The following CACNA2D1 variants were observed in gnomAD, a reference collection of about 807,000 sequenced individuals.
CACNA2D1 encodes the protein voltage-dependent calcium channel subunit alpha-2/delta-1.
CACNA2D1 carries 53 observed loss-of-function variants against 171.5 expected under a neutral mutation model. The ratio of observed to expected loss-of-function variants is 0.31; its 90% CI spans 0.25 to 0.39. The LOEUF (loss-of-function observed/expected upper bound fraction) is 0.39, where lower values mean the gene tolerates loss of function less well. Ranked by LOEUF, CACNA2D1 falls within the 10% of genes least tolerant of loss-of-function variation. The pLI is 1.00. For missense variants in CACNA2D1, 903 were observed against 1,299.8 expected, an observed-to-expected ratio of 0.69 and a Z score of 4.69; for synonymous variants, 442 against 443.1, an observed-to-expected ratio of 1.00 and a Z score of 0.03.
chr7:81,991,034 C>A, intron 21 of CACNA2D1, 151 bp downstream of exon 21: 1 of 518,512 alleles, frequency 1.9e-6, no homozygotes, highest in Non-Finnish European at 3.5e-6. Flanking sequence ...GTTTTTCCAT[C>A]TTTTCCATTT....
At chr7:82,010,590 T>A (rs1024841933) in intron 15 of CACNA2D1, among the ~76,000 whole-genome samples, 1 of 152,140 alleles carries the variant, frequency 6.6e-6, no homozygotes, top group African/African-American at 2.4e-5. Context: ...AAGTGCAACA[T>A]TTTGACCACA....
At chr7:82,048,923 A>C (rs1584537072) in intron 10 of CACNA2D1, among the ~76,000 whole-genome samples, 2 of 152,074 alleles carry the variant, frequency 1.3e-5, no homozygotes, top group East Asian at 3.9e-4. Context: ...ACAATAGTTC[A>C]GTTTAGAATA....
At chr7:82,048,454 T>C (rs1804804447) in intron 10 of CACNA2D1, among the ~76,000 whole-genome samples, 1 of 152,162 alleles carries the variant, frequency 6.6e-6, no homozygotes, top group Admixed American at 6.5e-5. Context: ...ATTGTCACTT[T>C]ATGAAAAATC....
intron 6 of CACNA2D1, among the ~76,000 whole-genome samples, chr7:82,113,596 AG>A (rs1224943553): frequency 6.6e-6 from 1 of 152,168 alleles, no homozygotes; most frequent in Non-Finnish European, 1.5e-5. Context: ...TTAGAACACG[AG>A]GTTTCTTATG....
At chr7:82,260,575 T>G (rs1351452183) in intron 3 of CACNA2D1, among the ~76,000 whole-genome samples, 7 of 152,226 alleles carry the variant, frequency 4.6e-5, no homozygotes, top group Admixed American at 4.6e-4. Context: ...AATGACTATA[T>G]GGTAAAATTT....
At chr7:82,197,222 T>C (rs1011016154) in intron 3 of CACNA2D1, among the ~76,000 whole-genome samples, 2 of 152,096 alleles carry the variant, frequency 1.3e-5, no homozygotes, top group Middle Eastern at 3.4e-3. Context: ...GAATATATTA[T>C]ATAAGAGTAT....
At chr7:82,366,841 C>T (rs1821776237) in intron 1 of CACNA2D1, among the ~76,000 whole-genome samples, 1 of 150,896 alleles carries the variant, frequency 6.6e-6, no homozygotes, top group South Asian at 2.1e-4. Flanking sequence ...TTACCATTCC[C>T]ACCAATAATG....
intron 17 of CACNA2D1, 115 bp from the exon 18 acceptor site, chr7:82,005,612 CA>C (rs1799042962): frequency 1.2e-6 from 1 of 865,536 alleles, no homozygotes; most frequent in Non-Finnish European, 1.9e-6. Context: ...TGAAAGATAA[CA>C]TGGAATCATT....
chr7:82,054,532 CT>C (rs1304436286), intron 10 of CACNA2D1, among the ~76,000 whole-genome samples: 8 of 152,174 alleles, frequency 5.3e-5, no homozygotes, highest in African/African-American at 1.7e-4. Context: ...TTTATTAATT[CT>C]CTGCCTTGTT....
At chr7:82,017,779 A>G (rs1001895407) in intron 12 of CACNA2D1, among the ~76,000 whole-genome samples, 2 of 152,184 alleles carry the variant, frequency 1.3e-5, no homozygotes, top group African/African-American at 4.8e-5. Flanking sequence ...ATGATCTTAC[A>G]TAAAAACAAA....
intron 1 of CACNA2D1, among the ~76,000 whole-genome samples, chr7:82,434,552 G>A (rs556752840): frequency 6.6e-6 from 1 of 152,238 alleles, no homozygotes; most frequent in African/African-American, 2.4e-5. Flanking sequence ...AGGTCCCAGT[G>A]TGTGTTGATC....
chr7:82,247,808 A>C (rs1470776794), intron 3 of CACNA2D1, among the ~76,000 whole-genome samples: 1 of 152,234 alleles, frequency 6.6e-6, no homozygotes, highest in African/African-American at 2.4e-5. Flanking sequence ...AAATTTGGAA[A>C]GAAAAAAATA....
chr7:82,367,902 T>A (rs921458903), intron 1 of CACNA2D1, among the ~76,000 whole-genome samples: 4 of 151,970 alleles, frequency 2.6e-5, no homozygotes, highest in African/African-American at 4.8e-5. Context: ...GTGCAAAAAA[T>A]TTTTCTATTT....
chr7:81,964,751 A>G (rs1238292035), intron 32 of CACNA2D1, among the ~76,000 whole-genome samples: 1 of 151,916 alleles, frequency 6.6e-6, no homozygotes, highest in Non-Finnish European at 1.5e-5. Flanking sequence ...ACTGTAGTTA[A>G]TAATACTGTG....
chr7:82,341,803 T>A (rs1818666321), intron 2 of CACNA2D1, among the ~76,000 whole-genome samples: 1 of 151,978 alleles, frequency 6.6e-6, no homozygotes, highest in Non-Finnish European at 1.5e-5. Flanking sequence ...ATCCTAGCAC[T>A]TTGGGAGGCC....
Position 81,948,497 on chromosome 7 carries a change from C to T in CACNA2D1, c.*1895G>A, listed in dbSNP as rs1792222912. 6.6e-6 allele frequency: 1 copy of T among 151,492 alleles called. No homozygotes were observed. Among genetic ancestry groups the T allele is most frequent in the Non-Finnish European group, 1.5e-5 (1 of 67,764 alleles). The allele number at this position is 151,492 out of a possible 1,614,324, so 9.4% of individuals were successfully genotyped here. A position where few individuals can be genotyped will look rare whatever the true frequency, so the allele number is the denominator to read the frequency against. On this transcript the variant is annotated 3_prime_UTR_variant, in exon 39 of 39. Coordinates refer to ENST00000356860, the MANE Select transcript of CACNA2D1 (RefSeq NM_000722.4). ...AATCTTGAAATGTACACAAATGGTACCTAAGGTATATTGGTGGTGGGAGGG... is the reference window on the plus strand; with the variant it reads ...AATCTTGAAATGTACACAAATGGTATCTAAGGTATATTGGTGGTGGGAGGG...
intron 3 of CACNA2D1, among the ~76,000 whole-genome samples, chr7:82,210,715 T>G (rs1800464408): frequency 6.6e-6 from 1 of 152,192 alleles, no homozygotes; most frequent in South Asian, 2.1e-4. Flanking sequence ...GTAATTTCTC[T>G]CTGTTCCTAG....
rs4732446 is a variant in CACNA2D1 at position 82,372,901 on chromosome 7, C to G, written c.96-23252G>C. On this transcript the variant is annotated intron_variant, in intron 1 of 38. Transcript: ENST00000356860. ...TTAATAATATGAATAAACACAATATCAGGCCAGGTGTGGTGGCTCATGCCT... is the reference window on the plus strand; with the variant it reads ...TTAATAATATGAATAAACACAATATGAGGCCAGGTGTGGTGGCTCATGCCT... Among the ~76,000 whole-genome samples, 1,125 of 152,230 alleles carry G rather than the reference C, an allele frequency of 7.4e-3. 39 individuals carry two copies. The highest frequency in any genetic ancestry group is 0.064 in the Admixed American group (973 of 15,282).
Position 81,974,442 on chromosome 7 carries a change from A to C in CACNA2D1, c.2053+13T>G. Reference sequence around the variant, plus strand: ...CACACTCAAGCAATCATTTTGAATTAATGCATACTTACATGATGGGTTGTT... The same window carrying C: ...CACACTCAAGCAATCATTTTGAATTCATGCATACTTACATGATGGGTTGTT... On this transcript the variant is annotated intron_variant, in intron 25 of 38. Transcript: ENST00000356860. The C allele has an allele frequency of 7.7e-7, 1 of 1,292,924 alleles. No homozygotes were observed. Among genetic ancestry groups the C allele is most frequent in the Non-Finnish European group, 1.1e-6 (1 of 889,508 alleles). The allele number at this position is 1,292,924 out of a possible 1,614,324, so 80.1% of individuals were successfully genotyped here.
Sources: allele counts gnomAD v4.1 joint callset (sites outside exome capture counted in the v4.1 genomes callset), GRCh38; gene constraint gnomAD v4.1.1; transcripts MANE v1.5; gene names NCBI Gene and HGNC (gene_info 2026-07-23, HGNC 2026-07-21).